WDR72: variants seen among roughly 807,000 people sequenced by gnomAD.
The protein encoded by WDR72 is WD repeat domain 72, also known as WD repeat-containing protein 72.
Under a neutral mutation model 124.2 loss-of-function variants are expected in WDR72, and 120 were observed. The observed-to-expected ratio is 0.97, with a 90% CI of 0.83 to 1.12. The LOEUF (loss-of-function observed/expected upper bound fraction) is 1.12. Among genes scored for constraint, WDR72 ranks in the 50% most tolerant of loss-of-function variants. The probability of loss-of-function intolerance (pLI) is 0.00; values close to 1 mark genes in which losing one functional copy is unlikely to be tolerated. For synonymous variants in WDR72, 452 were observed against 441.7 expected, an observed-to-expected ratio of 1.02 and a Z score of -0.29; for missense variants, 1,387 against 1,278.8, an observed-to-expected ratio of 1.08 and a Z score of -1.29.
chr15:53,638,486 T>A (rs2014708112), intron 14 of WDR72, among the ~76,000 whole-genome samples: 1 of 152,072 alleles, frequency 6.6e-6, no homozygotes, highest in Admixed American at 6.6e-5. Flanking sequence ...GTCCTGGAAG[T>A]CAGGAAAAGT....
intron 14 of WDR72, among the ~76,000 whole-genome samples, chr15:53,620,080 A>C (rs1321108538): frequency 2.0e-5 from 3 of 152,074 alleles, no homozygotes; most frequent in African/African-American, 7.2e-5. Flanking sequence ...CAATAATCTT[A>C]AAATGTTACA....
intron 1 of WDR72, among the ~76,000 whole-genome samples, chr15:53,738,553 A>G (rs542877366): frequency 1.5e-4 from 23 of 152,164 alleles, no homozygotes; most frequent in Non-Finnish European, 2.9e-4. Context: ...AATAATTTTT[A>G]GAGAAAATAT....
chr15:53,648,796 T>C (rs1844260807), intron 14 of WDR72, among the ~76,000 whole-genome samples: 1 of 151,980 alleles, frequency 6.6e-6, no homozygotes, highest in African/African-American at 2.4e-5. Context: ...TCTCAGAACA[T>C]GAGTTCTTTC....
At chr15:53,711,531 C>A in intron 7 of WDR72, 50 bp from the exon 8 acceptor site, 1 of 1,577,752 alleles carries the variant, frequency 6.3e-7, no homozygotes, top group Non-Finnish European at 8.7e-7. Context: ...TCTAGTCTGC[C>A]AATAAGATGA....
intron 1 of WDR72, among the ~76,000 whole-genome samples, chr15:53,745,382 G>A (rs960026046): frequency 1.3e-5 from 2 of 152,078 alleles, no homozygotes; most frequent in Non-Finnish European, 2.9e-5. Context: ...TTACAGTATT[G>A]ACACTACAGT....
In WDR72 at chr15:53,659,185, T is replaced by C. The variant is rs528602312; in HGVS notation, c.1962+6387A>G. ...ACATTCACACATTAAGTAAGCTTTC[T>C]TTGAAGAACTATTAGGCTATATATT... On this transcript the variant is annotated intron_variant, in intron 14 of 19. Transcript: ENST00000360509. Among the ~76,000 whole-genome samples the C allele has an allele frequency of 1.3e-5, 2 of 152,354 alleles. 1 individual carries two copies. The highest frequency in any genetic ancestry group is 4.1e-4 in the South Asian group (2 of 4,832).
intron 1 of WDR72, among the ~76,000 whole-genome samples, chr15:53,754,438 T>C (rs1480495028): frequency 4.6e-5 from 7 of 152,222 alleles, no homozygotes; most frequent in Admixed American, 3.3e-4. Context: ...ACTATGGCAC[T>C]TTCTAAAACA....
At chr15:53,613,902 T>C in intron 15 of WDR72, 145 bp from the exon 16 acceptor site, 1 of 606,658 alleles carries the variant, frequency 1.6e-6, no homozygotes, top group East Asian at 2.8e-5. Flanking sequence ...TCACATCAAT[T>C]TCTCTTGTGA....
chr15:53,625,159 G>C (rs1236541886), intron 14 of WDR72, among the ~76,000 whole-genome samples: 1 of 152,170 alleles, frequency 6.6e-6, no homozygotes, highest in Non-Finnish European at 1.5e-5. Flanking sequence ...TCATTAATCT[G>C]ACTGCAATTT....
chr15:53,757,892 C>T (rs139806600), intron 1 of WDR72, among the ~76,000 whole-genome samples: 56 of 152,072 alleles, frequency 3.7e-4, no homozygotes, highest in African/African-American at 1.3e-3. Context: ...TAAACTAGAA[C>T]GTCAGATTTC....
chr15:53,626,624 G>T (rs2014222467), intron 14 of WDR72, among the ~76,000 whole-genome samples: 1 of 152,176 alleles, frequency 6.6e-6, no homozygotes, highest in Non-Finnish European at 1.5e-5. Context: ...CAAATGCCTG[G>T]GTTTCTATCC....
chr15:53,660,209 A>C (rs1243898282), intron 14 of WDR72, among the ~76,000 whole-genome samples: 1 of 148,512 alleles, frequency 6.7e-6, no homozygotes, highest in Non-Finnish European at 1.5e-5. Context: ...TTTAAAATAA[A>C]TATTTGTTCT....
chr15:53,555,161 T>A (rs7175337), intron 18 of WDR72, among the ~76,000 whole-genome samples: 1 of 151,864 alleles, frequency 6.6e-6, no homozygotes, highest in South Asian at 2.1e-4. Flanking sequence ...CATCTTTTAT[T>A]ACCAGGTTCT....
chr15:53,676,350 T>C (rs1159606654), intron 13 of WDR72, among the ~76,000 whole-genome samples: 1 of 152,264 alleles, frequency 6.6e-6, no homozygotes, highest in Middle Eastern at 3.2e-3. Flanking sequence ...TTCTACTCAG[T>C]TGTCCTTATA....
At chr15:53,532,652 G>A (rs534652364) in intron 18 of WDR72, among the ~76,000 whole-genome samples, 7 of 152,002 alleles carry the variant, frequency 4.6e-5, no homozygotes, top group East Asian at 1.9e-4. Flanking sequence ...AGTGGGAAGC[G>A]GGGGATAAGA....
intron 13 of WDR72, among the ~76,000 whole-genome samples, chr15:53,681,517 G>C (rs1456020374): frequency 1.3e-5 from 2 of 152,098 alleles, no homozygotes; most frequent in African/African-American, 2.4e-5. Flanking sequence ...CAATCCAAAA[G>C]TGTAATCAGA....
At chr15:53,587,730 A>G (rs2012291213) in intron 18 of WDR72, among the ~76,000 whole-genome samples, 1 of 152,044 alleles carries the variant, frequency 6.6e-6, no homozygotes, top group South Asian at 2.1e-4. Context: ...GGAAGTTTAT[A>G]TAGACCATGT....
chr15:53,698,616 G>A (rs942141922), intron 13 of WDR72, among the ~76,000 whole-genome samples: 5 of 152,138 alleles, frequency 3.3e-5, no homozygotes, highest in African/African-American at 1.2e-4. Flanking sequence ...GGTTCTGGAG[G>A]CAAGCCCAGG....
chr15:53,667,954 T>TACATACACATACA (rs1380299343), intron 13 of WDR72, among the ~76,000 whole-genome samples: 1 of 152,178 alleles, frequency 6.6e-6, no homozygotes, highest in Non-Finnish European at 1.5e-5. Context: ...ACACAGATAA[T>TACATACACATACA]TAATCTGTCT....
Sources: allele counts gnomAD v4.1 joint callset (sites outside exome capture counted in the v4.1 genomes callset), GRCh38; gene constraint gnomAD v4.1.1; transcripts MANE v1.5; gene names NCBI Gene and HGNC (gene_info 2026-07-23, HGNC 2026-07-21).